Variants in RUNX2 observed in about 807,000 individuals in gnomAD.
RUNX2 encodes RUNX family transcription factor 2.
RUNX2 carries 10 observed loss-of-function variants against 51.7 expected under a neutral mutation model. That is an observed-to-expected ratio of 0.19 (90% CI 0.12 to 0.33). The LOEUF is 0.33. Among genes scored for constraint, RUNX2 ranks in the 10% least tolerant of loss-of-function variants. RUNX2 has a pLI of 1.00. For missense variants in RUNX2, 562 were observed against 691.3 expected (o/e 0.81, Z 2.10); for synonymous variants, 276 against 273.6 (o/e 1.01, Z -0.09).
At chr6:45,469,968 A>G (rs909352171) in intron 5 of RUNX2, among the ~76,000 whole-genome samples, 5 of 152,184 alleles carry the variant, frequency 3.3e-5, no homozygotes, top group Non-Finnish European at 5.9e-5. Context: ...AACAATATCC[A>G]TATGAAAGAA....
chr6:45,414,784 T>A (rs1047395782), intron 2 of RUNX2, among the ~76,000 whole-genome samples: 23 of 89,646 alleles, frequency 2.6e-4, no homozygotes, highest in Admixed American at 8.3e-4. Context: ...TTTTTTTTTT[T>A]ATCAGATCTA....
At chr6:45,332,297 T>C (rs1479891060) in intron 2 of RUNX2, among the ~76,000 whole-genome samples, 1 of 151,792 alleles carries the variant, frequency 6.6e-6, no homozygotes, top group Non-Finnish European at 1.5e-5. Context: ...TTTTATACTG[T>C]ACTTCTTTGT....
At chr6:45,501,206 AG>A (rs1021653130) in intron 6 of RUNX2, among the ~76,000 whole-genome samples, 1 of 152,218 alleles carries the variant, frequency 6.6e-6, no homozygotes, top group African/African-American at 2.4e-5. Flanking sequence ...CCAGGTCAGT[AG>A]GGGTCTACTA....
intron 7 of RUNX2, among the ~76,000 whole-genome samples, chr6:45,519,788 ATATGTGTG>A (rs1408532026): frequency 7.7e-4 from 91 of 118,896 alleles, no homozygotes; most frequent in Middle Eastern, 3.9e-3. Context: ...ATATATATAT[ATATGTGTG>A]TGTGTGTGTG....
At chr6:45,413,402 T>C (rs969125932) in intron 2 of RUNX2, among the ~76,000 whole-genome samples, 1 of 148,914 alleles carries the variant, frequency 6.7e-6, no homozygotes, top group East Asian at 2.0e-4. Flanking sequence ...ATACTTCAAG[T>C]AGATACAGAA....
intron 2 of RUNX2, among the ~76,000 whole-genome samples, chr6:45,392,166 A>G (rs1338905755): frequency 6.6e-6 from 1 of 152,192 alleles, no homozygotes; most frequent in African/African-American, 2.4e-5. Context: ...CTGCACGCCA[A>G]TTGAGGTGTG....
intron 4 of RUNX2, among the ~76,000 whole-genome samples, chr6:45,433,463 T>C (rs114012879): frequency 0.012 from 1,820 of 152,238 alleles, 23 homozygotes; most frequent in Non-Finnish European, 0.018. Context: ...ATGCTCTGAA[T>C]TGCATCTTTC....
chr6:45,375,136 G>A (rs1357557699), intron 2 of RUNX2, among the ~76,000 whole-genome samples: 1 of 152,216 alleles, frequency 6.6e-6, no homozygotes, highest in African/African-American at 2.4e-5. Context: ...GAACCCAGGA[G>A]GGGGAGGTTG....
intron 2 of RUNX2, among the ~76,000 whole-genome samples, chr6:45,379,118 G>A (rs962805768): frequency 6.6e-6 from 1 of 152,160 alleles, no homozygotes; most frequent in African/African-American, 2.4e-5. Context: ...TTGTAGTTGA[G>A]TCTGCTAGTG....
chr6:45,519,836 G>GTGTGTGTGTGTA (rs1430887373), intron 7 of RUNX2, among the ~76,000 whole-genome samples: 14 of 134,616 alleles, frequency 1.0e-4, no homozygotes, highest in Admixed American at 3.1e-4. Flanking sequence ...GTGTGTGTGT[G>GTGTGTGTGTGTA]TATATATTTG....
intron 8 of RUNX2, 148 bp downstream of exon 8, chr6:45,545,430 C>T: frequency 2.3e-6 from 2 of 877,894 alleles, no homozygotes; most frequent in Non-Finnish European, 3.4e-6. Flanking sequence ...GCACTTAACC[C>T]TTGCATTTTG....
At chr6:45,497,025 T>A (rs536273349) in intron 6 of RUNX2, among the ~76,000 whole-genome samples, 19 of 152,016 alleles carry the variant, frequency 1.2e-4, no homozygotes, top group Non-Finnish European at 2.4e-4. Context: ...TCAGGGAGGA[T>A]AAGGTGGAGT....
intron 6 of RUNX2, among the ~76,000 whole-genome samples, chr6:45,494,860 T>C (rs900257007): frequency 6.6e-6 from 1 of 152,188 alleles, no homozygotes; most frequent in African/African-American, 2.4e-5. Flanking sequence ...TGTTAGGTAA[T>C]ATGGAGAGAG....
chr6:45,464,212 A>G (rs1799562329), intron 5 of RUNX2, among the ~76,000 whole-genome samples: 1 of 151,876 alleles, frequency 6.6e-6, no homozygotes, highest in Non-Finnish European at 1.5e-5. Flanking sequence ...AAAAATGTTT[A>G]CAACATCAGA....
At chr6:45,505,252 T>C (rs1239973050) in intron 6 of RUNX2, among the ~76,000 whole-genome samples, 2 of 152,192 alleles carry the variant, frequency 1.3e-5, no homozygotes, top group Non-Finnish European at 2.9e-5. Flanking sequence ...AGCATACCTT[T>C]GGGCTTTCAG....
chr6:45,419,090 C>T (rs1798122182), intron 2 of RUNX2, among the ~76,000 whole-genome samples: 1 of 152,178 alleles, frequency 6.6e-6, no homozygotes, highest in South Asian at 2.1e-4. Context: ...GAGGAAAAGT[C>T]CCCAAGGTAA....
intron 2 of RUNX2, among the ~76,000 whole-genome samples, chr6:45,417,846 T>C (rs1459863997): frequency 2.0e-5 from 3 of 152,240 alleles, no homozygotes; most frequent in Non-Finnish European, 4.4e-5. Context: ...TCTTTTAATT[T>C]TTCAACTATT....
intron 2 of RUNX2, among the ~76,000 whole-genome samples, chr6:45,400,949 G>A (rs1285331596): frequency 6.6e-6 from 1 of 152,078 alleles, no homozygotes; most frequent in Admixed American, 6.6e-5. Context: ...ATGTACAGAT[G>A]TATGATAAAG....
At chr6:45,383,136 AAAAT>A (rs769909762) in intron 2 of RUNX2, among the ~76,000 whole-genome samples, 59 of 152,182 alleles carry the variant, frequency 3.9e-4, no homozygotes, top group Non-Finnish European at 7.1e-4. Context: ...TTTGCCATCA[AAAAT>A]AAATAAGTTC....
Sources: allele counts gnomAD v4.1 joint callset (sites outside exome capture counted in the v4.1 genomes callset), GRCh38; gene constraint gnomAD v4.1.1; transcripts MANE v1.5; gene names NCBI Gene and HGNC (gene_info 2026-07-23, HGNC 2026-07-21).